FHAD1: variants seen among roughly 807,000 people sequenced by gnomAD.
The protein encoded by FHAD1 is forkhead associated phosphopeptide binding domain 1.
In FHAD1, 146 loss-of-function variants were observed where a neutral mutation model predicts 191.3. That is an observed-to-expected ratio of 0.76 (90% CI 0.67 to 0.88). The LOEUF (loss-of-function observed/expected upper bound fraction) is 0.88. Among genes scored for constraint, FHAD1 ranks in the 40% least tolerant of loss-of-function variants. The pLI is 0.00. For missense variants in FHAD1, 1,635 were observed against 1,785.8 expected, an observed-to-expected ratio of 0.92 and a Z score of 1.52; for synonymous variants, 616 against 672.3, an observed-to-expected ratio of 0.92 and a Z score of 1.29.
At chr1:15,315,696 C>T (rs1047443273) in intron 8 of FHAD1, among the ~76,000 whole-genome samples, 2 of 152,062 alleles carry the variant, frequency 1.3e-5, no homozygotes, top group African/African-American at 4.8e-5. Flanking sequence ...TCGTGTTAGC[C>T]AGGGTGGTCT....
At chr1:15,299,219 GAA>G (rs796954256) in intron 5 of FHAD1, among the ~76,000 whole-genome samples, 3 of 119,532 alleles carry the variant, frequency 2.5e-5, no homozygotes, top group African/African-American at 7.3e-5. Context: ...AAAAAAAAAG[GAA>G]AAAAAAAAAA....
chr1:15,369,398 C>G lies in FHAD1; in HGVS notation c.3343C>G (p.Leu1115Val). 6.4e-7 allele frequency: 1 copy of G among 1,552,040 alleles called. No individual in the cohort carries two copies. The highest frequency in any genetic ancestry group is 8.7e-7 in the Non-Finnish European group (1 of 1,147,070). ...RASQEKHRLQ[L>V]NTEKEQKPRK... ...TTCCCAAGAGAAACACAGACTCCAG[C>G]TGAACACAGAGAAGGAACAGAAGCC... Residue 1115 changes from leucine to valine, a missense_variant, in exon 26 of 34, where the codon CTG becomes GTG. Physicochemically the swap from Leu to Val is conservative, Grantham distance 32. Coordinates refer to ENST00000688493, the MANE Select transcript of FHAD1 (RefSeq NM_001391957.1).
chr1:15,399,587 AGAAAG>A (rs374910663), downstream of FHAD1, among the ~76,000 whole-genome samples: 192 of 152,290 alleles, frequency 1.3e-3, 3 homozygotes, highest in East Asian at 0.033. Flanking sequence ...AAAGTCAGTA[AGAAAG>A]GAGAGTGTAA....
chr1:15,349,059 A>G lies in FHAD1; in HGVS notation c.2364A>G (p.Ile788Met). 6.4e-7 allele frequency: 1 copy of G among 1,551,678 alleles called. No homozygotes were observed. The highest frequency in any genetic ancestry group is 8.7e-7 in the Non-Finnish European group (1 of 1,146,954). Residue 788 changes from isoleucine (I) to methionine (M), a missense_variant, in exon 19 of 34, where the codon ATA becomes ATG. By Grantham distance (10) the Ile-to-Met change is conservative (BLOSUM62 1). Transcript: ENST00000688493. Reference protein sequence around the residue: ...ARQKEVLESSIAHEKRKAKEA... With the variant: ...ARQKEVLESSMAHEKRKAKEA... ...ATTTTCAGGTTTTGGAGAGCAGCAT[A>G]GCCCATGAAAAAAGAAAAGCAAAGG...
downstream of FHAD1, among the ~76,000 whole-genome samples, chr1:15,401,588 G>A (rs1707128555): frequency 6.6e-6 from 1 of 152,230 alleles, no homozygotes; most frequent in South Asian, 2.1e-4. Flanking sequence ...ATCGCCTGCT[G>A]TTGTAGAAAC....
At chr1:15,362,828 C>A in intron 23 of FHAD1, 102 bp downstream of exon 23, 1 of 871,592 alleles carries the variant, frequency 1.1e-6, no homozygotes, top group Non-Finnish European at 1.9e-6. Context: ...TTGTCAGAAG[C>A]CAAACAAGGA....
Position 15,328,323 on chromosome 1 carries a change from A to C in FHAD1, c.1604A>C (p.Gln535Pro). The C allele has an allele frequency of 6.5e-7, 1 of 1,542,196 alleles. No homozygotes were observed. Among genetic ancestry groups the C allele is most frequent in the African/African-American group, 1.4e-5 (1 of 70,442 alleles). The change falls in exon 13 of 34, where the codon CAG (glutamine) becomes CCG (proline). Residue 535 changes from glutamine (Q) to proline (P), a missense_variant. Physicochemically the swap from Gln to Pro is moderately conservative, Grantham distance 76. Transcript: ENST00000688493. ...TQVTEDNINF[Q>P]QKKWTLQKET... ...GTCACTGAGGACAACATCAATTTTC[A>C]GCAGAAAAAGTGGACCCTCCAGAAA...
chr1:15,238,742 G>C (rs901569698), intron 1 of FHAD1, among the ~76,000 whole-genome samples: 1 of 152,152 alleles, frequency 6.6e-6, no homozygotes, highest in Admixed American at 6.5e-5. Flanking sequence ...TCCAATCAAA[G>C]AGGCTCTTAA....
chr1:15,278,479 T>TTTTTTTTTTTTG, intron 3 of FHAD1, among the ~76,000 whole-genome samples: 1 of 146,536 alleles, frequency 6.8e-6, no homozygotes, highest in Non-Finnish European at 1.5e-5. Flanking sequence ...TTACCTCTTT[T>TTTTTTTTTTTTG]TTTTTTTTTT....
rs576406259 is a variant in FHAD1, at chr1:15,358,096, G to C, written c.2563-14G>C. 6.7e-7 allele frequency: 1 copy of C among 1,493,650 alleles called. No individual in the cohort carries two copies. Among genetic ancestry groups the C allele is most frequent in the African/African-American group, 1.4e-5 (1 of 69,928 alleles). 92.5% of individuals were successfully genotyped at this position (1,493,650 alleles called of 1,614,324 possible). ...CTGAATGTCTGTTATTTTGCTACTT[G>C]TTTTTTTGTCTAGGAATTAGAATTA... On this transcript the variant is annotated splice_polypyrimidine_tract_variant and intron_variant, in intron 20 of 33. Transcript: ENST00000688493.
rs1485646770 is a variant in FHAD1, at chr1:15,276,794, A to ATC, written c.300+4265_300+4266insTC. On this transcript the variant is annotated intron_variant, in intron 3 of 33. Transcript: ENST00000688493. The surrounding 1 kb of genome is among the most constrained non-coding windows in gnomAD (Gnocchi z 4.7). The stretch of plus-strand genomic sequence containing the variant: ...GGGCAACAGAGTGAGACTCTCTCAA[A>ATC]AAAAAAAAAAGTATAGCCTAGGGCC... Among the ~76,000 whole-genome samples, 1 of 151,826 alleles carries ATC rather than the reference A, an allele frequency of 6.6e-6. No homozygotes were observed.
chr1:15,237,972 C>A (rs1250496748), intron 1 of FHAD1, among the ~76,000 whole-genome samples: 1 of 151,740 alleles, frequency 6.6e-6, no homozygotes, highest in Non-Finnish European at 1.5e-5. Context: ...CACTGTTGGC[C>A]AGGCGCGGTG....
At chr1:15,339,632 T>C in intron 15 of FHAD1, 81 bp downstream of exon 15, 1 of 555,942 alleles carries the variant, frequency 1.8e-6, no homozygotes, top group Non-Finnish European at 2.9e-6. Context: ...ATTTGAAACC[T>C]GTTTTTTCTT....
At position 15,262,310 on chromosome 1, in the gene FHAD1, T is replaced by C. The variant is rs534346302; in HGVS notation, c.94-10013T>C. Among the ~76,000 whole-genome samples the C allele has an allele frequency of 1.2e-3, 176 of 152,340 alleles. 6 individuals are homozygous for C. In the South Asian group the frequency reaches 0.036, roughly 31 times the overall value. ...TGGGCTAAAATACTCTTCTAAGTGC[T>C]TTTTATATATACTGTTTCATTTATT... On this transcript the variant is annotated intron_variant, in intron 2 of 33. Coordinates refer to ENST00000688493, the MANE Select transcript of FHAD1 (RefSeq NM_001391957.1).
rs530949082 is a variant in FHAD1, at chr1:15,397,580, T to C, written c.*167T>C. ...TTGAACAATATTATATTTTGGAGAC[T>C]GTGGGGAGAAGGGTTCTTCTTTAAA... On this transcript the variant is annotated 3_prime_UTR_variant, in exon 34 of 34. Coordinates refer to ENST00000688493, the MANE Select transcript of FHAD1 (RefSeq NM_001391957.1). The C allele has an allele frequency of 1.6e-4, 65 of 415,236 alleles. No individual in the cohort carries two copies. Among genetic ancestry groups the C allele is most frequent in the African/African-American group, 1.2e-3 (62 of 49,722 alleles). The allele number at this position is 415,236 out of a possible 1,614,324, so 25.7% of individuals were successfully genotyped here.
chr1:15,317,297 G>A (rs1037568489), intron 9 of FHAD1, among the ~76,000 whole-genome samples: 20 of 152,164 alleles, frequency 1.3e-4, no homozygotes, highest in Admixed American at 7.2e-4. Flanking sequence ...GACGCCCTCC[G>A]AATCCACCCT....
upstream of FHAD1, among the ~76,000 whole-genome samples, chr1:15,243,656 C>A (rs911338011): frequency 6.6e-6 from 1 of 152,236 alleles, no homozygotes; most frequent in African/African-American, 2.4e-5. Context: ...TCTGCAGGAA[C>A]GAAGCCTAGT....
chr1:15,364,605 G>A (rs1358292176), intron 23 of FHAD1, among the ~76,000 whole-genome samples: 5 of 151,924 alleles, frequency 3.3e-5, no homozygotes, highest in African/African-American at 7.3e-5. Context: ...GCAAGACTCC[G>A]TCTCAAAAAA....
chr1:15,346,396 C>G (rs953525657), intron 18 of FHAD1, among the ~76,000 whole-genome samples: 1 of 152,202 alleles, frequency 6.6e-6, no homozygotes, highest in Admixed American at 6.5e-5. Flanking sequence ...GACTAGAAGC[C>G]TTACCGGGTA....
Sources: allele counts gnomAD v4.1 joint callset (sites outside exome capture counted in the v4.1 genomes callset), GRCh38; gene constraint gnomAD v4.1.1; non-coding constraint Gnocchi (gnomAD v3.1); transcripts MANE v1.5; gene names NCBI Gene and HGNC (gene_info 2026-07-23, HGNC 2026-07-21).